FGGY: variants seen among roughly 807,000 people sequenced by gnomAD.
FGGY encodes FGGY carbohydrate kinase domain containing.
A neutral mutation model predicts 71.3 loss-of-function variants in FGGY; 72 were observed. The observed-to-expected ratio is 1.01, with a 90% confidence interval of 0.84 to 1.23. FGGY has a LOEUF of 1.23. Ranked by LOEUF, FGGY falls within the 50% of genes most tolerant of loss-of-function variation. The pLI, the probability that FGGY is intolerant of heterozygous loss-of-function variation, is 0.00. For synonymous variants in FGGY, 251 were observed against 250.3 expected (o/e 1.00, Z -0.02); for missense variants, 668 against 682.3 (o/e 0.98, Z 0.23).
intron 9 of FGGY, among the ~76,000 whole-genome samples, chr1:59,625,644 C>T (rs2096849235): frequency 6.6e-6 from 1 of 152,100 alleles, no homozygotes; most frequent in South Asian, 2.1e-4. Flanking sequence ...AAGGTTGGTG[C>T]TTTTAACACT....
chr1:59,529,116 G>A (rs118175080), intron 7 of FGGY, among the ~76,000 whole-genome samples: 23 of 152,250 alleles, frequency 1.5e-4, no homozygotes, highest in East Asian at 1.4e-3. Context: ...GAATACATGC[G>A]TGAATGAATG....
intron 1 of FGGY, among the ~76,000 whole-genome samples, chr1:59,301,641 A>T (rs1331604174): frequency 6.6e-6 from 1 of 151,218 alleles, no homozygotes; most frequent in Non-Finnish European, 1.5e-5. Context: ...CTTTACTGAG[A>T]ATTTTTTTAA....
chr1:59,482,737 G>T (rs1021085977), intron 6 of FGGY, among the ~76,000 whole-genome samples: 1 of 151,512 alleles, frequency 6.6e-6, no homozygotes. Context: ...TCATTTTATA[G>T]GTGAGGAAAC....
intron 8 of FGGY, among the ~76,000 whole-genome samples, chr1:59,582,051 C>A (rs1408030066): frequency 6.7e-6 from 1 of 149,306 alleles, no homozygotes; most frequent in Non-Finnish European, 1.5e-5. Context: ...GAGTTTGAGA[C>A]CAGCCTGGGC....
At chr1:59,506,354 A>G (rs1205764281) in intron 6 of FGGY, among the ~76,000 whole-genome samples, 4 of 151,112 alleles carry the variant, frequency 2.6e-5, no homozygotes, top group Non-Finnish European at 5.9e-5. Flanking sequence ...AAAAAAAATC[A>G]CATGATCATA....
intron 14 of FGGY, among the ~76,000 whole-genome samples, chr1:59,752,491 A>T (rs2098254104): frequency 6.6e-6 from 1 of 152,212 alleles, no homozygotes. Flanking sequence ...GCTTAAGCCC[A>T]TTATTCCCCT....
intron 5 of FGGY, among the ~76,000 whole-genome samples, chr1:59,407,250 A>T (rs2062900496): frequency 6.6e-6 from 1 of 152,136 alleles, no homozygotes; most frequent in Non-Finnish European, 1.5e-5. Flanking sequence ...CTTCCTGCTG[A>T]TGCTGATCTC....
chr1:59,642,828 G>A (rs554980358), intron 11 of FGGY, among the ~76,000 whole-genome samples: 1 of 151,688 alleles, frequency 6.6e-6, no homozygotes. Context: ...TCAGGAGATC[G>A]AGACCATCCT....
At chr1:59,745,383 A>G (rs2098187309) in intron 14 of FGGY, among the ~76,000 whole-genome samples, 1 of 152,324 alleles carries the variant, frequency 6.6e-6, no homozygotes, top group East Asian at 1.9e-4. Flanking sequence ...CAGTTGGCCT[A>G]GTGACTAACC....
chr1:59,307,561 A>G (rs545919109), intron 1 of FGGY, among the ~76,000 whole-genome samples: 4 of 152,274 alleles, frequency 2.6e-5, no homozygotes, highest in Non-Finnish European at 4.4e-5. Context: ...TTTCCCATCT[A>G]AAAGTTGCAG....
At position 59,554,148 on chromosome 1, in the gene FGGY, G is replaced by T; in HGVS notation, c.824G>T (p.Gly275Val). The T allele has an allele frequency of 6.2e-7, 1 of 1,612,870 alleles. No individual in the cohort carries two copies. The highest frequency in any genetic ancestry group is 1.1e-5 in the South Asian group (1 of 91,042). ...GGAGTGATTGGGGCAGATGTGAGAG[G>T]GCACGGCCTCATCTGTGAGGGGCAG... ...GLGVIGADVR[G>V]HGLICEGQPV... The change falls in exon 8 of 16, where the codon GGG becomes GTG. Residue 275 changes from glycine to valine, a missense_variant. Coordinates refer to ENST00000303721, the MANE Select transcript of FGGY (RefSeq NM_018291.5).
At chr1:59,697,515 C>A in intron 14 of FGGY, 1 of 442,846 alleles carries the variant, frequency 2.3e-6, no homozygotes, top group Admixed American at 2.6e-5. Context: ...CATGCTGTAG[C>A]ACGTATCAGA....
chr1:59,742,218 A>G (rs1415090603), intron 14 of FGGY, among the ~76,000 whole-genome samples: 1 of 151,972 alleles, frequency 6.6e-6, no homozygotes, highest in Non-Finnish European at 1.5e-5. Flanking sequence ...TCTCACCACC[A>G]CCCCTGCCTC....
At chr1:59,759,368 G>C (rs2098322996) in intron 15 of FGGY, among the ~76,000 whole-genome samples, 1 of 152,184 alleles carries the variant, frequency 6.6e-6, no homozygotes, top group Non-Finnish European at 1.5e-5. Context: ...GCAGGAAGGT[G>C]GAGAGATCTG....
chr1:59,673,318 C>T (rs777429582), intron 13 of FGGY, among the ~76,000 whole-genome samples: 2 of 152,044 alleles, frequency 1.3e-5, no homozygotes, highest in African/African-American at 2.4e-5. Context: ...GATGGGCCGG[C>T]AATTAGCATG....
intron 4 of FGGY, among the ~76,000 whole-genome samples, chr1:59,367,448 A>G (rs1348113475): frequency 6.6e-6 from 1 of 152,232 alleles, no homozygotes; most frequent in African/African-American, 2.4e-5. Context: ...TTGTGCTGGA[A>G]AACAACAGCA....
chr1:59,491,094 C>T (rs1392977840), intron 6 of FGGY, among the ~76,000 whole-genome samples: 1 of 48,596 alleles, frequency 2.1e-5, no homozygotes, highest in Non-Finnish European at 3.8e-5. Context: ...TTCCTTCCTT[C>T]CTTCCTTCCT....
At chr1:59,296,883 T>C, upstream of FGGY, 1 of 152,340 alleles carries the variant, frequency 6.6e-6, no homozygotes, top group East Asian at 1.9e-4. Flanking sequence ...CTAGCTAAAA[T>C]GTAATTTCAG....
intron 5 of FGGY, among the ~76,000 whole-genome samples, chr1:59,379,463 A>G (rs890079447): frequency 4.6e-5 from 7 of 152,206 alleles, no homozygotes; most frequent in Non-Finnish European, 1.0e-4. Flanking sequence ...AATGTAAAAG[A>G]TAAAAAGTAG....
Sources: gnomAD v4.1 joint callset for allele counts (sites outside exome capture counted in the v4.1 genomes callset) on GRCh38, gnomAD v4.1.1 for gene constraint, MANE v1.5 for transcripts, NCBI Gene and HGNC (gene_info 2026-07-23, HGNC 2026-07-21) for gene names.